The following FRMD4A variants were observed in gnomAD, a reference collection of about 807,000 sequenced individuals.
FRMD4A encodes FERM domain-containing protein 4A.
In FRMD4A, 29 loss-of-function variants were observed where a neutral mutation model predicts 129.1. That is an observed-to-expected ratio of 0.22 (90% CI 0.17 to 0.31). The LOEUF is 0.31. Ranked by LOEUF, FRMD4A falls within the 10% of genes least tolerant of loss-of-function variation. FRMD4A has a pLI of 1.00. For missense variants in FRMD4A, 1,272 were observed against 1,375.8 expected (o/e 0.92, Z 1.19); for synonymous variants, 634 against 571.6 (o/e 1.11, Z -1.56).
intron 2 of FRMD4A, among the ~76,000 whole-genome samples, chr10:14,211,162 G>T (rs1842924248): frequency 6.6e-6 from 1 of 152,292 alleles, no homozygotes; most frequent in East Asian, 1.9e-4. Context: ...AATGTATAAT[G>T]TTTGAGAATA....
chr10:14,023,601 C>G (rs943606492), intron 2 of FRMD4A, among the ~76,000 whole-genome samples: 1 of 152,192 alleles, frequency 6.6e-6, no homozygotes, highest in African/African-American at 2.4e-5. Context: ...CCCTAAACCC[C>G]TATGAACAAC....
intron 3 of FRMD4A, among the ~76,000 whole-genome samples, chr10:13,840,744 C>T (rs2093949926): frequency 1.5e-5 from 2 of 134,094 alleles, no homozygotes; most frequent in African/African-American, 2.9e-5. Context: ...GCTGAGATTG[C>T]ACCACTGCAC....
At chr10:13,680,597 G>A (rs1471630190) in intron 15 of FRMD4A, among the ~76,000 whole-genome samples, 4 of 152,034 alleles carry the variant, frequency 2.6e-5, no homozygotes, top group East Asian at 1.9e-4. Flanking sequence ...GTTGTGGCAT[G>A]CACCTGTAAT....
intron 2 of FRMD4A, among the ~76,000 whole-genome samples, chr10:14,132,306 G>A (rs1589045671): frequency 6.6e-6 from 1 of 151,916 alleles, no homozygotes; most frequent in Admixed American, 6.6e-5. Flanking sequence ...AAAACAAACC[G>A]AAAACCAAAA....
intron 15 of FRMD4A, among the ~76,000 whole-genome samples, chr10:13,682,332 G>A (rs1212907899): frequency 2.6e-5 from 4 of 152,080 alleles, no homozygotes; most frequent in Non-Finnish European, 4.4e-5. Flanking sequence ...GCAAGGAAAC[G>A]TAGAATGCTT....
At chr10:13,844,455 A>C (rs1207641125) in intron 3 of FRMD4A, among the ~76,000 whole-genome samples, 1 of 152,196 alleles carries the variant, frequency 6.6e-6, no homozygotes, top group Admixed American at 6.5e-5. Context: ...TTATTTATAA[A>C]AGATTGACAC....
chr10:14,315,580 T>G (rs141369056), intron 2 of FRMD4A, among the ~76,000 whole-genome samples: 49 of 152,328 alleles, frequency 3.2e-4, no homozygotes, highest in African/African-American at 1.1e-3. Context: ...TATTTTGTTC[T>G]CTTGCCTAAA....
intron 15 of FRMD4A, chr10:13,685,795 C>A (rs1236072546): frequency 1.7e-5 from 3 of 177,946 alleles, no homozygotes; most frequent in Admixed American, 1.3e-4. Flanking sequence ...AGAGCGAGAC[C>A]CTGTCTCAAA....
intron 2 of FRMD4A, among the ~76,000 whole-genome samples, chr10:13,899,151 G>T (rs2094791812): frequency 6.7e-6 from 1 of 149,252 alleles, no homozygotes; most frequent in Non-Finnish European, 1.5e-5. Context: ...GACAGAGCAA[G>T]ACCCTGTCTA....
chr10:13,915,469 G>C (rs879396013), intron 2 of FRMD4A, among the ~76,000 whole-genome samples: 1 of 151,858 alleles, frequency 6.6e-6, no homozygotes, highest in East Asian at 1.9e-4. Context: ...TCAGGAGATC[G>C]AGACCATCCT....
chr10:14,278,010 C>T (rs964057591), intron 2 of FRMD4A, among the ~76,000 whole-genome samples: 3 of 152,190 alleles, frequency 2.0e-5, no homozygotes, highest in African/African-American at 7.2e-5. Context: ...TGCCTTCTTC[C>T]CAACTGACAT....
intron 2 of FRMD4A, among the ~76,000 whole-genome samples, chr10:14,135,019 AG>A (rs1334532701): frequency 6.6e-6 from 1 of 152,242 alleles, no homozygotes; most frequent in Non-Finnish European, 1.5e-5. Flanking sequence ...TGAGGACTAG[AG>A]GTTGCACATG....
chr10:13,683,601 CAG>C (rs1390860913), intron 15 of FRMD4A, among the ~76,000 whole-genome samples: 1 of 151,378 alleles, frequency 6.6e-6, no homozygotes, highest in African/African-American at 2.4e-5. Context: ...TGTCTCTAAA[CAG>C]ACAAAAAAAA....
chr10:14,260,723 T>C (rs1453297696), intron 2 of FRMD4A, among the ~76,000 whole-genome samples: 1 of 152,228 alleles, frequency 6.6e-6, no homozygotes. Context: ...GCCTTTGTTC[T>C]TAATAGAAAC....
At chr10:14,308,189 T>C (rs1846415404) in intron 2 of FRMD4A, among the ~76,000 whole-genome samples, 1 of 152,220 alleles carries the variant, frequency 6.6e-6, no homozygotes, top group Admixed American at 6.5e-5. Flanking sequence ...TCAAACTCTA[T>C]TGATGACCAA....
At chr10:13,857,875 T>C (rs1403988582) in intron 3 of FRMD4A, among the ~76,000 whole-genome samples, 1 of 152,228 alleles carries the variant, frequency 6.6e-6, no homozygotes, top group Non-Finnish European at 1.5e-5. Flanking sequence ...CACCATTCTT[T>C]AGAGCTTTGG....
intron 2 of FRMD4A, among the ~76,000 whole-genome samples, chr10:13,918,603 A>T (rs2131250513): frequency 6.6e-6 from 1 of 151,544 alleles, no homozygotes; most frequent in Non-Finnish European, 1.5e-5. Context: ...ATCTCGGCTC[A>T]CTGCAACCTC....
intron 2 of FRMD4A, among the ~76,000 whole-genome samples, chr10:14,208,070 G>A (rs918325374): frequency 3.9e-5 from 6 of 151,938 alleles, no homozygotes; most frequent in African/African-American, 1.5e-4. Context: ...GGTGGTGTGC[G>A]CCTGTTCTCC....
At chr10:13,770,108 G>C (rs2092413950) in intron 6 of FRMD4A, among the ~76,000 whole-genome samples, 2 of 152,104 alleles carry the variant, frequency 1.3e-5, no homozygotes, top group Admixed American at 1.3e-4. Context: ...CCCATATTTA[G>C]CCCAACTTGC....
Sources: allele counts gnomAD v4.1 joint callset (sites outside exome capture counted in the v4.1 genomes callset), GRCh38; gene constraint gnomAD v4.1.1; transcripts MANE v1.5; gene names NCBI Gene and HGNC (gene_info 2026-07-23, HGNC 2026-07-21).